Variants in FANCB observed in about 807,000 individuals in gnomAD.
FANCB encodes FA complementation group B, also known as Fanconi anemia group B protein.
FANCB carries 5 observed loss-of-function variants against 38.9 expected under a neutral mutation model. The observed-to-expected ratio is 0.13, with a 90% CI of 0.07 to 0.27. FANCB has a LOEUF of 0.27. Among genes scored for constraint, FANCB ranks in the 10% least tolerant of loss-of-function variants. The pLI, the probability that FANCB is intolerant of heterozygous loss-of-function variation, is 1.00. For synonymous variants in FANCB, 236 were observed against 215.4 expected (o/e 1.10, Z -0.84); for missense variants, 573 against 602.7 (o/e 0.95, Z 0.52).
In FANCB at chrX:14,843,652, C is replaced by T. The variant is rs1461866592; in HGVS notation, c.2495G>A (p.Gly832Asp). ...KMLQTNLKVS[G>D]ALYREITLKV... ...CAAAGTTATTTCTCTGTAAAGGGCA[C>T]CACTCACTTTTAGGTTCGTTTGCAA... The change falls in exon 10 of 10, where the codon GGT (glycine) becomes GAT (aspartate). Residue 832 changes from glycine to aspartate, a missense_variant. By Grantham distance (94) the Gly-to-Asp change is moderately conservative (BLOSUM62 -1). Transcript: ENST00000650831. 8.3e-7 allele frequency: 1 copy of T among 1,209,958 alleles called. No individual in the cohort carries two copies.
intron 2 of FANCB, 136 bp downstream of exon 2, chrX:14,868,787 T>C (rs1221120166): frequency 2.7e-5 from 3 of 112,120 alleles, no homozygotes; most frequent in African/African-American, 9.7e-5. Flanking sequence ...GAGGGAAGGA[T>C]ACACTAAATA....
chrX:14,858,405 A>T (rs1364335149), intron 4 of FANCB, among the ~76,000 whole-genome samples: 10 of 110,932 alleles, frequency 9.0e-5, no homozygotes, highest in Admixed American at 1.9e-4. Context: ...TCCAAAAAAA[A>T]AAAAATAAAC....
chrX:14,805,896 A>ATG, the FANCB span, among the ~76,000 whole-genome samples: 10 of 112,171 alleles, frequency 8.9e-5, no homozygotes, highest in African/African-American at 3.2e-4. Flanking sequence ...GCCCACAAGG[A>ATG]TGTCTAGTCC....
the FANCB span, chrX:14,730,460 G>A: frequency 1.0e-5 from 12 of 1,203,603 alleles, no homozygotes; most frequent in Admixed American, 4.4e-5. Flanking sequence ...AAGATCATTC[G>A]GCATGAAGAT....
At chrX:14,813,839 T>C in the FANCB span, among the ~76,000 whole-genome samples, 2 of 111,418 alleles carry the variant, frequency 1.8e-5, no homozygotes, top group African/African-American at 6.5e-5. Context: ...AAAGTTCATA[T>C]GGAACCAAAA....
the FANCB span, among the ~76,000 whole-genome samples, chrX:14,793,379 C>CTTA: frequency 8.9e-6 from 1 of 111,766 alleles, no homozygotes; most frequent in Non-Finnish European, 1.9e-5. Context: ...TTGGCAGCTG[C>CTTA]TTAGCAGTAT....
the FANCB span, among the ~76,000 whole-genome samples, chrX:14,736,771 A>G: frequency 8.9e-6 from 1 of 112,103 alleles, no homozygotes; most frequent in African/African-American, 3.2e-5. Context: ...AAGCAGTTGT[A>G]CAGCTATTAT....
chrX:14,755,738 A>G, the FANCB span, among the ~76,000 whole-genome samples: 3 of 111,602 alleles, frequency 2.7e-5, no homozygotes, highest in Non-Finnish European at 5.7e-5. Flanking sequence ...ATAGTGATCT[A>G]TGGATTCAAT....
chrX:14,753,023 ACACAC>A, the FANCB span, among the ~76,000 whole-genome samples: 2 of 107,173 alleles, frequency 1.9e-5, no homozygotes, highest in African/African-American at 6.9e-5. Flanking sequence ...ACACACACAC[ACACAC>A]ATTAGTTTTT....
chrX:14,772,866 G>A, the FANCB span, among the ~76,000 whole-genome samples: 1 of 111,737 alleles, frequency 8.9e-6, no homozygotes, highest in African/African-American at 3.3e-5. Flanking sequence ...GGAGAAGCAT[G>A]GTTTCCCAGG....
intron 5 of FANCB, among the ~76,000 whole-genome samples, chrX:14,855,515 T>C (rs2092419371): frequency 8.9e-6 from 1 of 112,218 alleles, no homozygotes; most frequent in African/African-American, 3.2e-5. Flanking sequence ...GTCTCTGTGC[T>C]ACATTTTGGA....
the FANCB span, among the ~76,000 whole-genome samples, chrX:14,732,714 C>T: frequency 8.9e-6 from 1 of 111,876 alleles, no homozygotes; most frequent in East Asian, 2.8e-4. Flanking sequence ...CCTTTGCCCA[C>T]TTTTTGATGG....
At chrX:14,804,600 G>A in the FANCB span, among the ~76,000 whole-genome samples, 8 of 110,641 alleles carry the variant, frequency 7.2e-5, no homozygotes, top group Middle Eastern at 4.6e-3. Context: ...TAACCTGCAC[G>A]TTGTGCACAT....
the FANCB span, among the ~76,000 whole-genome samples, chrX:14,796,622 TTA>T: frequency 1.1e-5 from 1 of 93,669 alleles, no homozygotes; most frequent in Non-Finnish European, 2.1e-5. Flanking sequence ...ATAATATATA[TTA>T]TATATATTGC....
At chrX:14,847,781 G>A (rs181419058) in intron 7 of FANCB, among the ~76,000 whole-genome samples, 41 of 111,154 alleles carry the variant, frequency 3.7e-4, no homozygotes, top group African/African-American at 1.2e-3. Context: ...ATACACAATT[G>A]AAGATCAACA....
the FANCB span, among the ~76,000 whole-genome samples, chrX:14,811,736 T>C: frequency 9.0e-6 from 1 of 111,292 alleles, no homozygotes; most frequent in South Asian, 3.8e-4. Context: ...GACTTCACTG[T>C]CAACATTAGA....
chrX:14,867,762 CAA>C (rs55818806), intron 2 of FANCB, among the ~76,000 whole-genome samples: 7 of 40,473 alleles, frequency 1.7e-4, no homozygotes, highest in Admixed American at 2.8e-4. Context: ...TTTGCCCAGC[CAA>C]AAAAAAAAAA....
the FANCB span, chrX:14,730,404 C>T: frequency 8.3e-7 from 1 of 1,203,559 alleles, no homozygotes; most frequent in East Asian, 3.0e-5. Flanking sequence ...GAGCTGCCTT[C>T]CCATTGGCCT....
At chrX:14,777,773 C>A in the FANCB span, among the ~76,000 whole-genome samples, 3 of 112,470 alleles carry the variant, frequency 2.7e-5, no homozygotes, top group Non-Finnish European at 5.6e-5. Flanking sequence ...TTCTACTCCT[C>A]CTGTCCCCAA....
Sources: allele counts gnomAD v4.1 joint callset (sites outside exome capture counted in the v4.1 genomes callset), GRCh38; gene constraint gnomAD v4.1.1; transcripts MANE v1.5; gene names NCBI Gene and HGNC (gene_info 2026-07-23, HGNC 2026-07-21).